The following SYT1 variants were observed in gnomAD, a reference collection of about 807,000 sequenced individuals.
SYT1 encodes synaptotagmin 1.
Under a neutral mutation model 44.8 loss-of-function variants are expected in SYT1, and 8 were observed. The observed-to-expected ratio is 0.18, with a 90% CI of 0.10 to 0.32. SYT1 has a LOEUF of 0.32. Ranked by LOEUF, SYT1 falls within the 10% of genes least tolerant of loss-of-function variation. The pLI is 1.00. For synonymous variants in SYT1, 154 were observed against 188.8 expected (o/e 0.82, Z 1.51); for missense variants, 286 against 509.3 (o/e 0.56, Z 4.22).
At chr12:79,377,679 A>C (rs771052627) in intron 9 of SYT1, among the ~76,000 whole-genome samples, 3 of 152,198 alleles carry the variant, frequency 2.0e-5, no homozygotes, top group Non-Finnish European at 2.9e-5. Flanking sequence ...GGCTTTGCCC[A>C]TATTGTCTTT....
At chr12:78,956,317 T>C (rs755930328) in intron 1 of SYT1, among the ~76,000 whole-genome samples, 29 of 152,130 alleles carry the variant, frequency 1.9e-4, no homozygotes, top group Non-Finnish European at 3.2e-4. Context: ...GACACACTTA[T>C]TGAGTTTGAA....
intron 2 of SYT1, among the ~76,000 whole-genome samples, chr12:79,038,545 AG>A (rs1873296897): frequency 6.6e-6 from 1 of 151,930 alleles, no homozygotes; most frequent in South Asian, 2.1e-4. Context: ...TTAAGTCAAA[AG>A]ATATGTAACA....
intron 3 of SYT1, among the ~76,000 whole-genome samples, chr12:79,073,277 T>A (rs1402510884): frequency 6.6e-6 from 1 of 152,110 alleles, no homozygotes; most frequent in Non-Finnish European, 1.5e-5. Flanking sequence ...AGGATATAAT[T>A]AACTAAAAAG....
chr12:78,908,807 G>A (rs1876142789), intron 1 of SYT1, among the ~76,000 whole-genome samples: 1 of 151,844 alleles, frequency 6.6e-6, no homozygotes, highest in Non-Finnish European at 1.5e-5. Context: ...ACATGTCCAG[G>A]TTTAACCTCT....
intron 2 of SYT1, among the ~76,000 whole-genome samples, chr12:79,011,414 C>T (rs1055715849): frequency 1.6e-4 from 24 of 151,996 alleles, no homozygotes; most frequent in African/African-American, 5.1e-4. Flanking sequence ...TATAGTAGGG[C>T]ATTCCATCTA....
intron 3 of SYT1, among the ~76,000 whole-genome samples, chr12:79,155,371 T>C (rs1870529910): frequency 1.3e-5 from 2 of 152,334 alleles, no homozygotes; most frequent in South Asian, 4.1e-4. Context: ...ATTCAGATGT[T>C]GGAAGGCAGG....
rs372231802 is a variant in SYT1, at chr12:79,030,903, T to G, written c.-83-16394T>G. 9.3e-5 allele frequency among the ~76,000 whole-genome samples: 14 copies of G among 151,086 alleles called. 1 individual carries two copies. The highest frequency in any genetic ancestry group is 4.6e-4 in the Admixed American group (7 of 15,090). On this transcript the variant is annotated intron_variant, in intron 2 of 10. Transcript: ENST00000261205. ...AATGATGACATTTAGATGAGATGGG[T>G]TGAGTTCTCCTCAGAGATATGTTAT...
At chr12:79,093,361 C>T (rs1043008211) in intron 3 of SYT1, among the ~76,000 whole-genome samples, 3 of 151,662 alleles carry the variant, frequency 2.0e-5, no homozygotes, top group African/African-American at 7.3e-5. Context: ...AAATAAAATG[C>T]AGGAAGTTAC....
intron 3 of SYT1, among the ~76,000 whole-genome samples, chr12:79,179,087 GAT>G (rs1160853809): frequency 2.8e-5 from 3 of 108,212 alleles, no homozygotes; most frequent in East Asian, 2.7e-4. Context: ...TATAGATATA[GAT>G]ATATAGATAT....
At chr12:78,878,512 C>G (rs183554441) in intron 1 of SYT1, among the ~76,000 whole-genome samples, 1 of 151,708 alleles carries the variant, frequency 6.6e-6, no homozygotes, top group African/African-American at 2.4e-5. Flanking sequence ...TGTTTACTCT[C>G]ATAGTGGTGA....
chr12:79,444,322 C>G, intron 10 of SYT1, 116 bp downstream of exon 10: 1 of 1,247,058 alleles, frequency 8.0e-7, no homozygotes, highest in Non-Finnish European at 1.1e-6. Flanking sequence ...AACTGCCATT[C>G]TTTCTCCCCA....
At chr12:79,122,538 A>G (rs969065735) in intron 3 of SYT1, among the ~76,000 whole-genome samples, 1 of 147,856 alleles carries the variant, frequency 6.8e-6, no homozygotes, top group African/African-American at 2.5e-5. Context: ...AAAAAAAGAG[A>G]TTCATATTTC....
intron 4 of SYT1, among the ~76,000 whole-genome samples, chr12:79,233,545 T>A (rs1050895354): frequency 1.3e-5 from 2 of 152,230 alleles, no homozygotes; most frequent in African/African-American, 4.8e-5. Flanking sequence ...GTGGATATCA[T>A]TTGAAGTGGT....
At chr12:79,274,403 T>G (rs1309381638) in intron 4 of SYT1, among the ~76,000 whole-genome samples, 1 of 152,200 alleles carries the variant, frequency 6.6e-6, no homozygotes, top group African/African-American at 2.4e-5. Context: ...GTCAGGGGCA[T>G]GAGAGCTGAG....
chr12:79,279,208 T>C (rs1325775490), intron 4 of SYT1, among the ~76,000 whole-genome samples: 2 of 150,936 alleles, frequency 1.3e-5, no homozygotes, highest in African/African-American at 2.4e-5. Context: ...CACAGCCGAA[T>C]AGGAAATGTC....
intron 8 of SYT1, among the ~76,000 whole-genome samples, chr12:79,328,705 G>T (rs1442302367): frequency 1.3e-5 from 2 of 152,046 alleles, no homozygotes; most frequent in Non-Finnish European, 2.9e-5. Flanking sequence ...AATTAGCCGG[G>T]CGTGGTGGCA....
At chr12:79,131,460 T>G (rs990749697) in intron 3 of SYT1, among the ~76,000 whole-genome samples, 4 of 152,178 alleles carry the variant, frequency 2.6e-5, no homozygotes, top group African/African-American at 9.7e-5. Flanking sequence ...ATATTACATA[T>G]GGGAAGCTCC....
chr12:79,190,425 T>C (rs894768229), intron 3 of SYT1, among the ~76,000 whole-genome samples: 4 of 152,006 alleles, frequency 2.6e-5, no homozygotes, highest in Non-Finnish European at 2.9e-5. Flanking sequence ...ATAATTGACA[T>C]CAAAACACCC....
chr12:79,139,119 C>T (rs555444646), intron 3 of SYT1, among the ~76,000 whole-genome samples: 4 of 152,282 alleles, frequency 2.6e-5, no homozygotes, highest in Admixed American at 6.5e-5. Context: ...GAAACAACAT[C>T]CAAGATGTCT....
Sources: allele counts gnomAD v4.1 joint callset (sites outside exome capture counted in the v4.1 genomes callset), GRCh38; gene constraint gnomAD v4.1.1; transcripts MANE v1.5; gene names NCBI Gene and HGNC (gene_info 2026-07-23, HGNC 2026-07-21).